The following SLCO3A1 variants were observed in gnomAD, a reference collection of about 807,000 sequenced individuals.
SLCO3A1 encodes the protein solute carrier organic anion transporter family member 3A1.
In SLCO3A1, 27 loss-of-function variants were observed where a neutral mutation model predicts 63.1. The ratio of observed to expected loss-of-function variants is 0.43; its 90% CI spans 0.32 to 0.59. The LOEUF is 0.59. SLCO3A1 is among the 20% of genes least tolerant of loss of function. SLCO3A1 has a pLI of 0.09. For synonymous variants in SLCO3A1, 473 were observed against 409.9 expected, an observed-to-expected ratio of 1.15 and a Z score of -1.86; for missense variants, 773 against 945.8, an observed-to-expected ratio of 0.82 and a Z score of 2.40.
Position 92,163,679 on chromosome 15 carries a change from C to T in SLCO3A1, c.*544C>T, listed in dbSNP as rs2048469223. 1.0e-6 allele frequency: 1 copy of T among 985,354 alleles called. No individual in the cohort carries two copies. Among genetic ancestry groups the T allele is most frequent in the Non-Finnish European group, 1.2e-6 (1 of 829,928 alleles). The allele number at this position is 985,354 out of a possible 1,614,324, so 61.0% of individuals were successfully genotyped here. ...GCACAAGTCGGAGGGGTGGAAGCAC[C>T]ACTCCTCTCTCTGACTTTCGCAATA... On this transcript the variant is annotated 3_prime_UTR_variant, in exon 10 of 10. Transcript: ENST00000318445.
At chr15:91,880,882 T>G (rs931742170) in intron 1 of SLCO3A1, among the ~76,000 whole-genome samples, 18 of 152,150 alleles carry the variant, frequency 1.2e-4, no homozygotes, top group African/African-American at 4.3e-4. Context: ...CTGTCTATGG[T>G]TCTCTTCTTG....
At chr15:91,867,523 A>T (rs1196288116) in intron 1 of SLCO3A1, among the ~76,000 whole-genome samples, 7 of 149,076 alleles carry the variant, frequency 4.7e-5, no homozygotes, top group African/African-American at 5.0e-5. Flanking sequence ...TTTTTTTTTT[A>T]AATAAAACCA....
At chr15:92,085,541 A>C (rs1435311746) in intron 2 of SLCO3A1, among the ~76,000 whole-genome samples, 1 of 152,222 alleles carries the variant, frequency 6.6e-6, no homozygotes, top group Non-Finnish European at 1.5e-5. Context: ...AACATTGGTG[A>C]ATCACATAGT....
chr15:92,170,598 C>T (rs750215360), downstream of SLCO3A1, among the ~76,000 whole-genome samples: 1 of 152,208 alleles, frequency 6.6e-6, no homozygotes, highest in African/African-American at 2.4e-5. Context: ...ACGGAACTAG[C>T]TTCTTATGAA....
intron 1 of SLCO3A1, among the ~76,000 whole-genome samples, chr15:91,911,915 G>T (rs1898499497): frequency 6.6e-6 from 1 of 152,090 alleles, no homozygotes; most frequent in East Asian, 1.9e-4. Flanking sequence ...GTGAGCCACT[G>T]CGCCCGGCCG....
At chr15:91,956,541 G>A (rs1022489631) in intron 2 of SLCO3A1, among the ~76,000 whole-genome samples, 21 of 152,060 alleles carry the variant, frequency 1.4e-4, no homozygotes, top group African/African-American at 4.3e-4. Context: ...AATGGCCTCC[G>A]GCATTGAGAG....
chr15:92,102,658 A>G (rs144785730), intron 3 of SLCO3A1, among the ~76,000 whole-genome samples: 255 of 152,262 alleles, frequency 1.7e-3, no homozygotes, highest in African/African-American at 5.8e-3. Context: ...TTGTAGTGCT[A>G]TTGTTGCGCT....
chr15:91,980,941 C>T (rs1352168204), intron 2 of SLCO3A1, among the ~76,000 whole-genome samples: 1 of 152,216 alleles, frequency 6.6e-6, no homozygotes, highest in African/African-American at 2.4e-5. Context: ...TGGCATGACC[C>T]TTTATAGAAC....
rs1295971017 is a variant in SLCO3A1 at position 91,856,354 on chromosome 15, C to CGGCTGCCCTCGTCTTTGCCT, written c.180+2267_180+2286dup. On this transcript the variant is annotated intron_variant, in intron 1 of 9. Coordinates refer to ENST00000318445, the MANE Select transcript of SLCO3A1 (RefSeq NM_013272.4). This position sits in a 1 kb window ranked among gnomAD's most constrained non-coding sequence, Gnocchi z 4.9. ...AAGGCTCTAAGGGCTCTGCTTTGCC[C>CGGCTGCCCTCGTCTTTGCCT]GGCTGCCCTCGTCTTTGCCTTGCCA... 6.6e-6 allele frequency among the ~76,000 whole-genome samples: 1 copy of CGGCTGCCCTCGTCTTTGCCT among 152,094 alleles called. No individual in the cohort carries two copies. The highest frequency in any genetic ancestry group is 1.5e-5 in the Non-Finnish European group (1 of 68,004).
chr15:91,870,249 C>T (rs1049812729), intron 1 of SLCO3A1, among the ~76,000 whole-genome samples: 7 of 152,078 alleles, frequency 4.6e-5, no homozygotes, highest in Non-Finnish European at 7.4e-5. Context: ...AAATGACTGG[C>T]TGAGTAGATA....
At chr15:91,874,556 T>C (rs1897353022) in intron 1 of SLCO3A1, among the ~76,000 whole-genome samples, 1 of 152,222 alleles carries the variant, frequency 6.6e-6, no homozygotes, top group South Asian at 2.1e-4. Flanking sequence ...TCATCCAAGT[T>C]GGGGGCTGGG....
At chr15:92,055,901 C>G (rs1423467614) in intron 2 of SLCO3A1, among the ~76,000 whole-genome samples, 1 of 152,204 alleles carries the variant, frequency 6.6e-6, no homozygotes, top group African/African-American at 2.4e-5. Flanking sequence ...CAGAACACCC[C>G]TTTGTGCTCA....
chr15:92,105,897 C>G (rs2047661973), intron 4 of SLCO3A1, among the ~76,000 whole-genome samples: 1 of 152,156 alleles, frequency 6.6e-6, no homozygotes, highest in Admixed American at 6.5e-5. Flanking sequence ...TACTAAACTT[C>G]TGTGTAACAA....
At chr15:91,874,189 A>G (rs1164905042) in intron 1 of SLCO3A1, among the ~76,000 whole-genome samples, 2 of 152,238 alleles carry the variant, frequency 1.3e-5, no homozygotes, top group Admixed American at 1.3e-4. Flanking sequence ...AATATGCTGT[A>G]ATAAAAGTTA....
In SLCO3A1 at chr15:92,033,579, C is replaced by T. The variant is rs1321176815; in HGVS notation, c.647-61302C>T. On this transcript the variant is annotated intron_variant, in intron 2 of 9. Coordinates refer to ENST00000318445, the MANE Select transcript of SLCO3A1 (RefSeq NM_013272.4). The surrounding 1 kb of genome is among the most constrained non-coding windows in gnomAD (Gnocchi z 4.5). ...TCGTTCAGCCCGAGCTTCCACAGCA[C>T]ACCACATGCTAGCTTAAGAGCTGTG... Among the ~76,000 whole-genome samples, 2 of 152,214 alleles carry T rather than the reference C, an allele frequency of 1.3e-5. No individual in the cohort carries two copies. The highest frequency in any genetic ancestry group is 4.8e-5 in the African/African-American group (2 of 41,454).
intron 1 of SLCO3A1, among the ~76,000 whole-genome samples, chr15:91,906,941 T>A (rs1597108682): frequency 7.1e-6 from 1 of 141,316 alleles, no homozygotes. Flanking sequence ...TTTTTTTTTT[T>A]AAAGAGACAA....
intron 2 of SLCO3A1, among the ~76,000 whole-genome samples, chr15:92,063,027 A>G (rs1012787233): frequency 3.9e-5 from 6 of 152,238 alleles, no homozygotes; most frequent in African/African-American, 9.6e-5. Context: ...CTGGGCTATC[A>G]GGTCACCCAA....
rs1896931269 is a variant in SLCO3A1, at chr15:91,856,820, A to G, written c.180+2732A>G. On this transcript the variant is annotated intron_variant, in intron 1 of 9. Transcript: ENST00000318445. This position sits in a 1 kb window ranked among gnomAD's most constrained non-coding sequence, Gnocchi z 4.9. ...GGAGGGTGGTTACAAATTCTATGCC[A>G]ACGATGTTATTTCCTATTAGATTCC... Among the ~76,000 whole-genome samples the G allele has an allele frequency of 6.6e-6, 1 of 152,172 alleles. No individual in the cohort carries two copies. Among genetic ancestry groups the G allele is most frequent in the Admixed American group, 6.5e-5 (1 of 15,272 alleles).
intron 2 of SLCO3A1, among the ~76,000 whole-genome samples, chr15:91,966,068 A>G (rs1262659204): frequency 6.6e-6 from 1 of 152,040 alleles, no homozygotes; most frequent in East Asian, 1.9e-4. Context: ...GAGCCTCGTC[A>G]TTTTGGCAGC....
Sources: gnomAD v4.1 joint callset for allele counts (sites outside exome capture counted in the v4.1 genomes callset) on GRCh38, gnomAD v4.1.1 for gene constraint, Gnocchi (gnomAD v3.1) non-coding constraint, MANE v1.5 for transcripts, NCBI Gene and HGNC (gene_info 2026-07-23, HGNC 2026-07-21) for gene names.